The following MERTK variants were observed in gnomAD, a reference collection of about 807,000 sequenced individuals.
MERTK encodes the protein MER proto-oncogene, tyrosine kinase, also known as tyrosine-protein kinase Mer.
Under a neutral mutation model 99.3 loss-of-function variants are expected in MERTK, and 69 were observed. The observed-to-expected ratio is 0.70, with a 90% CI of 0.57 to 0.85. The LOEUF (loss-of-function observed/expected upper bound fraction) is 0.85, where lower values mean the gene tolerates loss of function less well. Among genes scored for constraint, MERTK ranks in the 40% least tolerant of loss-of-function variants. The pLI is 0.00. For missense variants in MERTK, 1,125 were observed against 1,249.4 expected, an observed-to-expected ratio of 0.90 and a Z score of 1.50; for synonymous variants, 426 against 467.6, an observed-to-expected ratio of 0.91 and a Z score of 1.15.
intron 1 of MERTK, among the ~76,000 whole-genome samples, chr2:111,913,322 T>C (rs1056690005): frequency 6.6e-6 from 1 of 152,218 alleles, no homozygotes; most frequent in African/African-American, 2.4e-5. Flanking sequence ...CATCAGTGTT[T>C]TGTTGTTTTT....
intron 15 of MERTK, among the ~76,000 whole-genome samples, chr2:112,012,033 G>A (rs1677115873): frequency 6.6e-6 from 1 of 152,224 alleles, no homozygotes; most frequent in Admixed American, 6.5e-5. Flanking sequence ...AGTGTGCAAG[G>A]TAACTAGACT....
intron 4 of MERTK, among the ~76,000 whole-genome samples, chr2:111,947,985 C>T (rs1684991839): frequency 6.6e-6 from 1 of 151,860 alleles, no homozygotes; most frequent in South Asian, 2.1e-4. Context: ...AAGTGTGAGC[C>T]CTTGGGGGAT....
At chr2:111,994,634 C>G (rs1676697308) in intron 9 of MERTK, 1 of 550,616 alleles carries the variant, frequency 1.8e-6, no homozygotes, top group Admixed American at 2.3e-5. Context: ...TTAAAATTTG[C>G]TGGGCATGGT....
chr2:111,954,816 G>A (rs2104711688), intron 4 of MERTK, among the ~76,000 whole-genome samples: 1 of 152,280 alleles, frequency 6.6e-6, no homozygotes, highest in South Asian at 2.1e-4. Context: ...ATTGTGCTGG[G>A]CTCACAGGGG....
At chr2:111,945,738 G>A (rs1241881623) in intron 3 of MERTK, among the ~76,000 whole-genome samples, 1 of 152,174 alleles carries the variant, frequency 6.6e-6, no homozygotes, top group Admixed American at 6.5e-5. Context: ...GTCCTGGTTT[G>A]GTGCCCTGAT....
chr2:111,916,919 A>C (rs576015222), intron 1 of MERTK, among the ~76,000 whole-genome samples: 15 of 152,012 alleles, frequency 9.9e-5, no homozygotes, highest in African/African-American at 3.6e-4. Flanking sequence ...TTGACATCTG[A>C]GTGTGGGGAT....
At chr2:111,957,465 C>T (rs1216338144) in intron 4 of MERTK, among the ~76,000 whole-genome samples, 1 of 150,112 alleles carries the variant, frequency 6.7e-6, no homozygotes, top group Admixed American at 6.6e-5. Context: ...ACCTCTGATA[C>T]CCCCCCGCCC....
At chr2:111,942,751 A>T (rs884448) in intron 2 of MERTK, among the ~76,000 whole-genome samples, 80,599 of 151,938 alleles carry the variant, frequency 0.53, 21,578 homozygotes, top group Middle Eastern at 0.56. Flanking sequence ...GTCAAAGGGA[A>T]GCCACTCAGA....
At chr2:112,008,564 T>C in intron 14 of MERTK, 89 bp downstream of exon 14, 2 of 951,048 alleles carry the variant, frequency 2.1e-6, no homozygotes, top group Non-Finnish European at 3.5e-6. Context: ...TGTAGATAAG[T>C]TTACACTTCG....
chr2:112,006,106 T>G (rs1676974484), intron 13 of MERTK, among the ~76,000 whole-genome samples: 1 of 152,154 alleles, frequency 6.6e-6, no homozygotes, highest in South Asian at 2.1e-4. Flanking sequence ...GGTCTTGAAC[T>G]CTTGGCCTCA....
intron 13 of MERTK, among the ~76,000 whole-genome samples, chr2:112,005,735 C>T (rs572488687): frequency 2.6e-5 from 4 of 152,272 alleles, no homozygotes; most frequent in South Asian, 4.1e-4. Flanking sequence ...TTATTAACCC[C>T]TTGTACCTAT....
At chr2:112,009,866 A>T in intron 14 of MERTK, 82 bp from the exon 15 acceptor site, 2 of 1,033,390 alleles carry the variant, frequency 1.9e-6, no homozygotes, top group South Asian at 1.3e-5. Context: ...ACACGGCTTC[A>T]GTTTTTCCAG....
intron 2 of MERTK, 33 bp from the exon 3 acceptor site, chr2:111,944,927 A>T (rs1361458152): frequency 6.4e-7 from 1 of 1,559,290 alleles, no homozygotes; most frequent in Admixed American, 1.7e-5. Flanking sequence ...AAGGGTAGTC[A>T]CTGTAAATAT....
chr2:111,976,944 T>C (rs949447926), intron 7 of MERTK, among the ~76,000 whole-genome samples: 11 of 152,136 alleles, frequency 7.2e-5, no homozygotes, highest in African/African-American at 2.7e-4. Flanking sequence ...TATATTCCAT[T>C]TTCTCCTTCA....
chr2:111,952,091 C>T (rs1429631247), intron 4 of MERTK: 1 of 152,148 alleles, frequency 6.6e-6, no homozygotes, highest in Admixed American at 6.5e-5. Flanking sequence ...TACACCCTTA[C>T]AACGACCACC....
chr2:112,001,207 A>G lies in MERTK; in HGVS notation c.1611A>G (p.Ala537=). The change falls in exon 11 of 19, where the codon GCA becomes GCG. Residue 537 remains alanine, a synonymous_variant. Coordinates refer to ENST00000295408, the MANE Select transcript of MERTK (RefSeq NM_006343.3). The part of the protein sequence containing the change: ...KRVQETKFGN[A]FTEEDSELVV... ...TTTGTTTTCATTCACCCAGGAATGCATTCACAGAGGAGGATTCTGAATTAG... is the reference window on the plus strand; with the variant it reads ...TTTGTTTTCATTCACCCAGGAATGCGTTCACAGAGGAGGATTCTGAATTAG... The G allele has an allele frequency of 6.2e-7, 1 of 1,612,418 alleles. No homozygotes were observed. Among genetic ancestry groups the G allele is most frequent in the Non-Finnish European group, 8.5e-7 (1 of 1,178,438 alleles).
chr2:111,932,935 G>T (rs1684700358), intron 2 of MERTK, among the ~76,000 whole-genome samples: 3 of 152,116 alleles, frequency 2.0e-5, no homozygotes, highest in South Asian at 4.1e-4. Flanking sequence ...GGGGTTTGGA[G>T]TGTTTTTGGT....
At chr2:111,945,110 G>T in intron 3 of MERTK, 50 bp downstream of exon 3, 2 of 1,421,024 alleles carry the variant, frequency 1.4e-6, no homozygotes, top group Non-Finnish European at 2.0e-6. Context: ...TTGTTTTAGG[G>T]CCTGTGTTAA....
intron 13 of MERTK, among the ~76,000 whole-genome samples, chr2:112,004,582 A>G (rs956344680): frequency 2.6e-5 from 4 of 152,170 alleles, no homozygotes; most frequent in African/African-American, 9.7e-5. Flanking sequence ...CACAGCCAAG[A>G]ACCTGCTTTA....
Sources: gnomAD v4.1 joint callset for allele counts (sites outside exome capture counted in the v4.1 genomes callset) on GRCh38, gnomAD v4.1.1 for gene constraint, MANE v1.5 for transcripts, NCBI Gene and HGNC (gene_info 2026-07-23, HGNC 2026-07-21) for gene names.